The following DEAF1 variants were observed in gnomAD, a reference collection of about 807,000 sequenced individuals.
DEAF1 encodes deformed epidermal autoregulatory factor 1 homolog.
Under a neutral mutation model 58.9 loss-of-function variants are expected in DEAF1, and 53 were observed. The ratio of observed to expected loss-of-function variants is 0.90; its 90% CI spans 0.72 to 1.13. The LOEUF (loss-of-function observed/expected upper bound fraction) is 1.13. Ranked by LOEUF, DEAF1 falls within the 50% of genes most tolerant of loss-of-function variation. The pLI, the probability that DEAF1 is intolerant of heterozygous loss-of-function variation, is 0.00. For synonymous variants in DEAF1, 385 were observed against 340.4 expected (o/e 1.13, Z -1.44); for missense variants, 685 against 791.4 (o/e 0.87, Z 1.61).
rs781243390 is a variant in DEAF1 at position 694,958 on chromosome 11, CGCGGCCGCCGCCGCCACA to C, written c.72_89del (p.Val25_Ala30del). 380 of 1,168,836 alleles carry C rather than the reference CGCGGCCGCCGCCGCCACA, an allele frequency of 3.3e-4. 17 individuals are homozygous for C. The highest frequency in any genetic ancestry group is 2.3e-4 in the Admixed American group (5 of 22,104). 72.4% of individuals were successfully genotyped at this position (1,168,836 alleles called of 1,614,324 possible). ...CCTCCGCCTCGCCTCCTGCCGCGGC[CGCGGCCGCCGCCGCCACA>C]GCGGCCGCGGCCGCCACCGCCGCCG... On this transcript the variant is annotated inframe_deletion, in exon 1 of 12. Transcript: ENST00000382409.
chr11:704,401 T>G (rs1390760037), intron 1 of DEAF1: 1 of 1,239,384 alleles, frequency 8.1e-7, no homozygotes, highest in Admixed American at 2.3e-5. Context: ...AGCACCCAGT[T>G]GTCCTGGGCC....
chr11:670,754 ATTTCTTT>A (rs139333774), intron 10 of DEAF1, among the ~76,000 whole-genome samples: 22,791 of 137,254 alleles, frequency 0.17, 2,271 homozygotes, highest in African/African-American at 0.29. Flanking sequence ...TTCCTTTTTA[ATTTCTTT>A]TTTCTTTTTG....
intron 1 of DEAF1, 57 bp downstream of exon 1, chr11:694,702 C>T: frequency 7.9e-7 from 1 of 1,267,938 alleles, no homozygotes; most frequent in Non-Finnish European, 9.9e-7. Flanking sequence ...GCGGGGCAGG[C>T]GCGCGGGGTA....
chr11:677,873 G>C (rs534514317), intron 9 of DEAF1, among the ~76,000 whole-genome samples: 32 of 151,920 alleles, frequency 2.1e-4, no homozygotes, highest in Admixed American at 1.4e-3. Context: ...TGAGGCAGGA[G>C]AATTGCTTAA....
At chr11:648,258 G>A (rs1333453513) in intron 11 of DEAF1, among the ~76,000 whole-genome samples, 2 of 144,596 alleles carry the variant, frequency 1.4e-5, no homozygotes, top group African/African-American at 5.2e-5. Flanking sequence ...GCTGTGGCAC[G>A]ATCTCGGCTC....
rs370975037 is a variant in DEAF1 at position 681,035 on chromosome 11, G to A, written c.925C>T (p.Leu309=). The A allele has an allele frequency of 1.8e-5, 29 of 1,614,032 alleles. No homozygotes were observed. Among genetic ancestry groups the A allele is most frequent in the Admixed American group, 5.0e-5 (3 of 60,002 alleles). The change falls in exon 7 of 12, where the codon CTG becomes TTG. Residue 309 remains leucine (L), a synonymous_variant. Transcript: ENST00000382409. ...TCCTTCTTCACGGGAGTTGTGGGCA[G>A]TTCATTCTCCTTCTTGCGCCTTTTG... ...PYKRRKKENE[L]PTTPVKKDSP... is the part of the protein sequence containing the mutation.
At chr11:655,259 C>A (rs1858985963) in intron 10 of DEAF1, among the ~76,000 whole-genome samples, 1 of 152,218 alleles carries the variant, frequency 6.6e-6, no homozygotes, top group East Asian at 1.9e-4. Flanking sequence ...GGTGCCCCAG[C>A]CAACACCCCC....
chr11:693,071 A>G (rs2133427102), intron 1 of DEAF1, among the ~76,000 whole-genome samples: 1 of 152,292 alleles, frequency 6.6e-6, no homozygotes, highest in Admixed American at 6.5e-5. Context: ...CCTGGAAACC[A>G]CTTGACGTCA....
upstream of DEAF1, chr11:695,564 C>CAGCCCG: frequency 1.6e-6 from 2 of 1,227,498 alleles, no homozygotes; most frequent in Non-Finnish European, 2.0e-6. Flanking sequence ...GAAGCCGAGT[C>CAGCCCG]AGCCCGAGGC....
At chr11:645,550 T>A (rs1361612661) in intron 11 of DEAF1, among the ~76,000 whole-genome samples, 2 of 152,130 alleles carry the variant, frequency 1.3e-5, no homozygotes, top group African/African-American at 4.8e-5. Flanking sequence ...ACTCCTGACC[T>A]CAGGGGATCT....
At chr11:689,202 CTTTT>C (rs34046317) in intron 2 of DEAF1, among the ~76,000 whole-genome samples, 38 of 94,166 alleles carry the variant, frequency 4.0e-4, no homozygotes, top group South Asian at 7.4e-4. Context: ...TTTTCTTTTT[CTTTT>C]TTTTTTTTTT....
At chr11:691,849 T>C (rs1189935376) in intron 1 of DEAF1, among the ~76,000 whole-genome samples, 1 of 152,114 alleles carries the variant, frequency 6.6e-6, no homozygotes. Context: ...CAGTAAAAAA[T>C]GCATACAACA....
Position 686,890 on chromosome 11 carries a change from A to G in DEAF1, c.772T>C (p.Tyr258His). The G allele has an allele frequency of 6.2e-7, 1 of 1,614,236 alleles. No homozygotes were observed. The change falls in exon 5 of 12, where the codon TAC (tyrosine) becomes CAC (histidine). Residue 258 changes from tyrosine to histidine, a missense_variant. Physicochemically the swap from Tyr to His is moderately conservative, Grantham distance 83. Transcript: ENST00000382409. Reference sequence around the variant, plus strand: ...AGGCACTGCAAGGGTCGGCCCGCGTAGCGAATGCTTCTTTTCCAGTCCTTA... The same window carrying G: ...AGGCACTGCAAGGGTCGGCCCGCGTGGCGAATGCTTCTTTTCCAGTCCTTA... ...SSKDWKRSIRYAGRPLQCLIQ... is the reference protein window; with the variant it reads ...SSKDWKRSIRHAGRPLQCLIQ...
At chr11:695,601 G>T, upstream of DEAF1, 2 of 1,243,472 alleles carry the variant, frequency 1.6e-6, no homozygotes, top group Non-Finnish European at 1.0e-6. Flanking sequence ...GAATGTCCCC[G>T]AGGCCGAATG....
In DEAF1 at chr11:694,818, T is replaced by G; in HGVS notation, c.230A>C (p.Asp77Ala). 6.9e-7 allele frequency: 1 copy of G among 1,441,850 alleles called. No individual in the cohort carries two copies. The highest frequency in any genetic ancestry group is 9.1e-7 in the Non-Finnish European group (1 of 1,099,760). The allele number at this position is 1,441,850 out of a possible 1,614,324, so 89.3% of individuals were successfully genotyped here. A position where few individuals can be genotyped will look rare whatever the true frequency, so the allele number is the denominator to read the frequency against. The stretch of plus-strand genomic sequence containing the variant: ...GCCGGGCAGGGCCTCGGCGCCCATG[T>G]CCATGTGCCCGGGCTCCGCCGCCAT... ...AVMAAEPGHMDMGAEALPGPD... is the reference protein window; with the variant it reads ...AVMAAEPGHMAMGAEALPGPD... Residue 77 changes from aspartate to alanine, a missense_variant, in exon 1 of 12, where the codon GAC becomes GCC. By Grantham distance (126) the Asp-to-Ala change is moderately radical. Transcript: ENST00000382409.
intron 10 of DEAF1, among the ~76,000 whole-genome samples, chr11:657,054 C>T (rs550610629): frequency 9.2e-5 from 14 of 152,090 alleles, no homozygotes; most frequent in African/African-American, 3.4e-4. Flanking sequence ...GTGACACCCT[C>T]GTCCCTGCTC....
intron 1 of DEAF1, among the ~76,000 whole-genome samples, chr11:694,193 T>G: frequency 6.8e-6 from 1 of 147,614 alleles, no homozygotes; most frequent in Non-Finnish European, 1.5e-5. Flanking sequence ...GGGGGACCAG[T>G]AGGAGGCGGG....
chr11:687,336 C>T (rs1317984899), intron 4 of DEAF1, among the ~76,000 whole-genome samples: 1 of 152,056 alleles, frequency 6.6e-6, no homozygotes, highest in Non-Finnish European at 1.5e-5. Context: ...AGCCCTGCCT[C>T]CCTCCTGCTT....
In DEAF1 at chr11:674,765, G is replaced by C. The variant is rs148012724; in HGVS notation, c.1274C>G (p.Ala425Gly). 1 of 1,612,490 alleles carries C rather than the reference G, an allele frequency of 6.2e-7. No individual in the cohort carries two copies. Among genetic ancestry groups the C allele is most frequent in the African/African-American group, 1.3e-5 (1 of 75,056 alleles). Residue 425 changes from alanine to glycine, a missense_variant, in exon 10 of 12, where the codon GCG becomes GGG. Coordinates refer to ENST00000382409, the MANE Select transcript of DEAF1 (RefSeq NM_021008.4). ...GGGAGTCGGGGGTGGGACCGCCAGC[G>C]CAGGCAGGGATGTCAACACTAGAGC... ...HPKIVLTSLPALAVPPPTPTK... is the reference protein window; with the variant it reads ...HPKIVLTSLPGLAVPPPTPTK...
Sources: allele counts gnomAD v4.1 joint callset (sites outside exome capture counted in the v4.1 genomes callset), GRCh38; gene constraint gnomAD v4.1.1; transcripts MANE v1.5; gene names NCBI Gene and HGNC (gene_info 2026-07-23, HGNC 2026-07-21).